Variants in GABRG3 observed in about 807,000 individuals in gnomAD.
GABRG3 encodes gamma-aminobutyric acid receptor subunit gamma-3.
GABRG3 carries 25 observed loss-of-function variants against 48.8 expected under a neutral mutation model. The ratio of observed to expected loss-of-function variants is 0.51; its 90% CI spans 0.37 to 0.72. The LOEUF is 0.72. Among genes scored for constraint, GABRG3 ranks in the 30% least tolerant of loss-of-function variants. The pLI is 0.00. For missense variants in GABRG3, 394 were observed against 577.9 expected, an observed-to-expected ratio of 0.68 and a Z score of 3.26; for synonymous variants, 227 against 217.6, an observed-to-expected ratio of 1.04 and a Z score of -0.38.
chr15:27,199,723 A>G (rs1350867800), intron 3 of GABRG3, among the ~76,000 whole-genome samples: 1 of 152,186 alleles, frequency 6.6e-6, no homozygotes, highest in Admixed American at 6.5e-5. Context: ...AGCAGATGCC[A>G]GTGCCTTGTA....
intron 5 of GABRG3, among the ~76,000 whole-genome samples, chr15:27,376,442 A>G (rs1168679317): frequency 1.3e-5 from 2 of 152,208 alleles, no homozygotes; most frequent in Non-Finnish European, 2.9e-5. Context: ...CTACACTAGT[A>G]GAAGTTCTCC....
chr15:27,114,886 C>T (rs936768262), intron 3 of GABRG3, among the ~76,000 whole-genome samples: 6 of 151,744 alleles, frequency 4.0e-5, no homozygotes, highest in African/African-American at 1.2e-4. Context: ...ACATGGAACT[C>T]GCAGATGTAA....
chr15:27,148,063 A>T (rs1168237944), intron 3 of GABRG3, among the ~76,000 whole-genome samples: 1 of 151,942 alleles, frequency 6.6e-6, no homozygotes, highest in African/African-American at 2.4e-5. Context: ...ACAAACTCTT[A>T]GCTACACTGA....
At chr15:27,111,519 G>A (rs952779695) in intron 3 of GABRG3, among the ~76,000 whole-genome samples, 7 of 152,136 alleles carry the variant, frequency 4.6e-5, no homozygotes, top group Admixed American at 6.5e-5. Context: ...GAGGTTTCTC[G>A]CTAGACTGCT....
At chr15:27,173,010 G>T (rs1887624190) in intron 3 of GABRG3, among the ~76,000 whole-genome samples, 1 of 152,104 alleles carries the variant, frequency 6.6e-6, no homozygotes, top group Admixed American at 6.5e-5. Context: ...CGTCATTTGG[G>T]TGGCCTGAAT....
Position 26,976,574 on chromosome 15 carries a change from GA to G in GABRG3, c.54-424del, listed in dbSNP as rs1894950282. ...TGCAAAAGCTAATCTCACCTTCAAC[GA>G]AAATGAGGTCTTGGTGGTCAGGGTG... is the stretch of plus-strand genomic sequence containing the variant. On this transcript the variant is annotated intron_variant, in intron 1 of 9. Transcript: ENST00000615808. This position sits in a 1 kb window ranked among gnomAD's most constrained non-coding sequence, Gnocchi z 7.8. Among the ~76,000 whole-genome samples, 1 of 152,026 alleles carries G rather than the reference GA, an allele frequency of 6.6e-6. No homozygotes were observed. Among genetic ancestry groups the G allele is most frequent in the African/African-American group, 2.4e-5 (1 of 41,384 alleles).
rs1887857084 is a variant in GABRG3 at position 27,179,536 on chromosome 15, T to C, written c.271-147273T>C. ...AGAAATTTATCATTTTCCCCATTGG[T>C]AGAGTATGAAAACTTTAAGCAAGAA... is the stretch of plus-strand genomic sequence containing the variant. On this transcript the variant is annotated intron_variant, in intron 3 of 9. Coordinates refer to ENST00000615808, the MANE Select transcript of GABRG3 (RefSeq NM_033223.5). This position sits in a 1 kb window ranked among gnomAD's most constrained non-coding sequence, Gnocchi z 4.0. Among the ~76,000 whole-genome samples the C allele has an allele frequency of 1.3e-5, 2 of 152,170 alleles. No homozygotes were observed. Among genetic ancestry groups the C allele is most frequent in the Non-Finnish European group, 2.9e-5 (2 of 68,028 alleles).
At chr15:27,348,159 T>A (rs375242156) in intron 5 of GABRG3, among the ~76,000 whole-genome samples, 135,959 of 135,966 alleles carry the variant, frequency 1, 67,976 homozygotes, top group Middle Eastern at 1. Context: ...CCATCTCAAA[T>A]AAATAAAGAG....
At chr15:26,979,442 C>T (rs1234205802) in intron 2 of GABRG3, among the ~76,000 whole-genome samples, 1 of 152,120 alleles carries the variant, frequency 6.6e-6, no homozygotes, top group Non-Finnish European at 1.5e-5. Context: ...GCAAAGCCTT[C>T]AGTCTTTCCC....
chr15:27,184,824 A>G (rs1888041825), intron 3 of GABRG3, among the ~76,000 whole-genome samples: 1 of 152,168 alleles, frequency 6.6e-6, no homozygotes, highest in South Asian at 2.1e-4. Context: ...TTCTGAGTGT[A>G]ATATTCTATA....
Position 26,971,452 on chromosome 15 carries a change from A to T in GABRG3, c.-84A>T. The T allele has an allele frequency of 8.5e-7, 1 of 1,171,508 alleles. No homozygotes were observed. Among genetic ancestry groups the T allele is most frequent in the Non-Finnish European group, 1.1e-6 (1 of 874,824 alleles). The allele number at this position is 1,171,508 out of a possible 1,614,324, so 72.6% of individuals were successfully genotyped here. ...AGCCTCGGAGGAAGCCAGGGCAAAG[A>T]GGGCCGGCGGAGACCAGGTCCGCGC... On this transcript the variant is annotated 5_prime_UTR_variant, in exon 1 of 10. Coordinates refer to ENST00000615808, the MANE Select transcript of GABRG3 (RefSeq NM_033223.5).
intron 5 of GABRG3, among the ~76,000 whole-genome samples, chr15:27,461,614 T>G (rs911578198): frequency 1.3e-5 from 2 of 152,212 alleles, no homozygotes; most frequent in African/African-American, 4.8e-5. Flanking sequence ...TTGGCCCCAC[T>G]CATATCCTGC....
At chr15:27,022,568 CT>C (rs1695269418) in intron 2 of GABRG3, among the ~76,000 whole-genome samples, 1 of 152,180 alleles carries the variant, frequency 6.6e-6, no homozygotes, top group South Asian at 2.1e-4. Flanking sequence ...ATGTCGGGAA[CT>C]TTCTTCAAAT....
At chr15:27,520,881 GTGT>G (rs772979248) in intron 7 of GABRG3, among the ~76,000 whole-genome samples, 118 of 87,990 alleles carry the variant, frequency 1.3e-3, no homozygotes, top group Admixed American at 3.3e-3. Flanking sequence ...TTATTTCTCT[GTGT>G]TTTTTTTTTA....
Position 27,328,872 on chromosome 15 carries a change from G to T in GABRG3, c.558G>T (p.Pro186=). The change falls in exon 5 of 10, where the codon CCG becomes CCT. Residue 186 remains proline (P), a synonymous_variant. Coordinates refer to ENST00000615808, the MANE Select transcript of GABRG3 (RefSeq NM_033223.5). Reference sequence around the variant, plus strand: ...TCCCCATGGACGAACACTCCTGCCCGCTGATTTTCTCCAGCTGTGAGTACC... The same window carrying T: ...TCCCCATGGACGAACACTCCTGCCCTCTGATTTTCTCCAGCTGTGAGTACC... ...HNFPMDEHSC[P]LIFSSYGYPK... The T allele has an allele frequency of 6.2e-7, 1 of 1,613,962 alleles. No homozygotes were observed. The highest frequency in any genetic ancestry group is 8.5e-7 in the Non-Finnish European group (1 of 1,179,824).
chr15:27,459,382 G>A (rs1223780182), intron 5 of GABRG3, among the ~76,000 whole-genome samples: 1 of 152,136 alleles, frequency 6.6e-6, no homozygotes, highest in African/African-American at 2.4e-5. Flanking sequence ...CATCTCTAGG[G>A]TATCATCACC....
chr15:27,394,586 T>C (rs1170919239), intron 5 of GABRG3, among the ~76,000 whole-genome samples: 1 of 152,172 alleles, frequency 6.6e-6, no homozygotes, highest in Non-Finnish European at 1.5e-5. Context: ...TGTCTATCCA[T>C]TTGTTTTTTC....
At position 27,507,715 on chromosome 15, in the gene GABRG3, A is replaced by G. The variant is rs548666186; in HGVS notation, c.713-12257A>G. ...GTTCAAGTCTTCCATATCCTTACAT[A>G]TTTTCTGTTTGTTTGTCCTTTCAAT... On this transcript the variant is annotated intron_variant, in intron 6 of 9. Transcript: ENST00000615808. 1.3e-4 allele frequency among the ~76,000 whole-genome samples: 20 copies of G among 151,970 alleles called. No homozygotes were observed. In the South Asian group the frequency reaches 4.1e-3, roughly 31 times the overall value.
intron 3 of GABRG3, among the ~76,000 whole-genome samples, chr15:27,313,497 C>CGTACA (rs946341975): frequency 6.6e-6 from 1 of 150,888 alleles, no homozygotes; most frequent in Non-Finnish European, 1.5e-5. Flanking sequence ...CTAACACAAA[C>CGTACA]GTACAGAACA....
Sources: allele counts gnomAD v4.1 joint callset (sites outside exome capture counted in the v4.1 genomes callset), GRCh38; gene constraint gnomAD v4.1.1; non-coding constraint Gnocchi (gnomAD v3.1); transcripts MANE v1.5; gene names NCBI Gene and HGNC (gene_info 2026-07-23, HGNC 2026-07-21).